Variants in DOCK5 observed in about 807,000 individuals in gnomAD.
DOCK5 encodes the protein dedicator of cytokinesis protein 5.
In DOCK5, 142 loss-of-function variants were observed where a neutral mutation model predicts 251.8. The observed-to-expected ratio is 0.56, with a 90% CI of 0.49 to 0.65. DOCK5 has a LOEUF of 0.65. Among genes scored for constraint, DOCK5 ranks in the 30% least tolerant of loss-of-function variants. DOCK5 has a pLI of 0.00. For missense variants in DOCK5, 2,111 were observed against 2,312.3 expected (o/e 0.91, Z 1.79); for synonymous variants, 842 against 835.5 (o/e 1.01, Z -0.13).
chr8:25,306,215 A>G (rs980647749), intron 11 of DOCK5, among the ~76,000 whole-genome samples: 10 of 152,192 alleles, frequency 6.6e-5, no homozygotes, highest in African/African-American at 2.4e-4. Context: ...CTTACCTTGT[A>G]TGCTACCACC....
chr8:25,198,313 G>C (rs1424431433), intron 1 of DOCK5, among the ~76,000 whole-genome samples: 1 of 152,168 alleles, frequency 6.6e-6, no homozygotes, highest in Non-Finnish European at 1.5e-5. Flanking sequence ...TCTCATACCT[G>C]TGATCCCAGC....
chr8:25,367,307 G>T (rs574407060), intron 31 of DOCK5, among the ~76,000 whole-genome samples: 1 of 152,224 alleles, frequency 6.6e-6, no homozygotes, highest in East Asian at 1.9e-4. Flanking sequence ...CATTCATAGC[G>T]CTTCACAAAG....
chr8:25,281,392 T>A (rs1301756161), intron 5 of DOCK5, among the ~76,000 whole-genome samples: 1 of 146,904 alleles, frequency 6.8e-6, no homozygotes, highest in Non-Finnish European at 1.5e-5. Flanking sequence ...TGAGCCAAGA[T>A]CACACTGTTG....
chr8:25,410,391 G>A (rs1340890444), intron 51 of DOCK5, among the ~76,000 whole-genome samples, 189 bp downstream of exon 51: 1 of 151,874 alleles, frequency 6.6e-6, no homozygotes, highest in Non-Finnish European at 1.5e-5. Context: ...GCAAGCAGAT[G>A]ATGAAGGTAG....
chr8:25,254,722 C>T (rs1367133864), intron 2 of DOCK5, among the ~76,000 whole-genome samples: 2 of 130,290 alleles, frequency 1.5e-5, no homozygotes, highest in African/African-American at 5.8e-5. Flanking sequence ...TTGCAGTGAG[C>T]CGAGATTGTG....
Position 25,348,614 on chromosome 8 carries a change from T to C in DOCK5, c.2754+3003T>C, listed in dbSNP as rs189572866. On this transcript the variant is annotated intron_variant, in intron 26 of 51. Coordinates refer to ENST00000276440, the MANE Select transcript of DOCK5 (RefSeq NM_024940.8). ...CAGCACTTTGGGAGGCTGAGACAGGTAGATCACGAGATCAGGAGTTCGAGA... is the reference window on the plus strand; with the variant it reads ...CAGCACTTTGGGAGGCTGAGACAGGCAGATCACGAGATCAGGAGTTCGAGA... Among the ~76,000 whole-genome samples the C allele has an allele frequency of 5.9e-5, 9 of 152,130 alleles. No homozygotes were observed. In the East Asian group the frequency reaches 1.7e-3, roughly 29 times the overall value.
chr8:25,395,746 G>C (rs1801334973), intron 45 of DOCK5, 27 bp downstream of exon 45: 2 of 1,603,592 alleles, frequency 1.2e-6, no homozygotes, highest in Middle Eastern at 1.7e-4. Flanking sequence ...AATCCCCTAG[G>C]GATTCACAGA....
chr8:25,313,413 A>G (rs917025683), intron 13 of DOCK5, among the ~76,000 whole-genome samples: 3 of 151,968 alleles, frequency 2.0e-5, no homozygotes, highest in Non-Finnish European at 4.4e-5. Flanking sequence ...ACATTGTTGA[A>G]ATATTTCCTT....
chr8:25,318,418 CTTTCT>C (rs759734262), intron 14 of DOCK5, among the ~76,000 whole-genome samples: 20 of 151,940 alleles, frequency 1.3e-4, no homozygotes, highest in Admixed American at 2.0e-4. Context: ...TTACTTTCTT[CTTTCT>C]TTTCTTTTCT....
chr8:25,348,876 C>T (rs1205670369), intron 26 of DOCK5, among the ~76,000 whole-genome samples: 2 of 151,930 alleles, frequency 1.3e-5, no homozygotes, highest in African/African-American at 4.8e-5. Context: ...CTCACCCGCA[C>T]CCCCACAATA....
At chr8:25,410,314 A>G (rs1044516820) in intron 51 of DOCK5, 112 bp downstream of exon 51, 1 of 849,616 alleles carries the variant, frequency 1.2e-6, no homozygotes, top group Middle Eastern at 2.3e-4. Context: ...CTGTCACTGC[A>G]GTCGATTCTT....
chr8:25,382,971 CTT>C (rs139252537), intron 40 of DOCK5, among the ~76,000 whole-genome samples, 193 bp downstream of exon 40: 17,061 of 151,948 alleles, frequency 0.11, 1,047 homozygotes, highest in South Asian at 0.16. Flanking sequence ...TTCTGCAGGT[CTT>C]TTGTGAAATG....
At chr8:25,338,869 C>G (rs1805878632) in intron 22 of DOCK5, among the ~76,000 whole-genome samples, 1 of 152,132 alleles carries the variant, frequency 6.6e-6, no homozygotes, top group South Asian at 2.1e-4. Flanking sequence ...AGTTCATTTC[C>G]TCTTCATTTG....
intron 27 of DOCK5, among the ~76,000 whole-genome samples, chr8:25,357,202 G>A (rs1479274881): frequency 6.6e-6 from 1 of 151,504 alleles, no homozygotes; most frequent in African/African-American, 2.4e-5. Context: ...TTAAACCTCA[G>A]TGTTAAATTC....
chr8:25,227,345 T>C (rs986166833), intron 1 of DOCK5, among the ~76,000 whole-genome samples: 1 of 152,130 alleles, frequency 6.6e-6, no homozygotes, highest in African/African-American at 2.4e-5. Flanking sequence ...TTTTTGGATG[T>C]GATAAAAGAT....
chr8:25,275,924 C>T (rs932605416), intron 4 of DOCK5, among the ~76,000 whole-genome samples: 1 of 152,238 alleles, frequency 6.6e-6, no homozygotes, highest in African/African-American at 2.4e-5. Context: ...TTCACTCATA[C>T]AATTCCTTCC....
chr8:25,239,544 G>A (rs1802889902), intron 1 of DOCK5, among the ~76,000 whole-genome samples: 1 of 152,020 alleles, frequency 6.6e-6, no homozygotes, highest in Admixed American at 6.6e-5. Flanking sequence ...TTTGAGAAGG[G>A]GGCCAATGGA....
intron 11 of DOCK5, chr8:25,305,411 A>G (rs1204397929): frequency 6.6e-6 from 1 of 152,228 alleles, no homozygotes; most frequent in African/African-American, 2.4e-5. Flanking sequence ...TACAACTGTA[A>G]GAGCTAGAAT....
At chr8:25,270,416 T>C (rs1487837860) in intron 3 of DOCK5, among the ~76,000 whole-genome samples, 1 of 152,192 alleles carries the variant, frequency 6.6e-6, no homozygotes, top group African/African-American at 2.4e-5. Context: ...CTATTGGTGT[T>C]AATTTTACTC....
Sources: gnomAD v4.1 joint callset for allele counts (sites outside exome capture counted in the v4.1 genomes callset) on GRCh38, gnomAD v4.1.1 for gene constraint, MANE v1.5 for transcripts, NCBI Gene and HGNC (gene_info 2026-07-23, HGNC 2026-07-21) for gene names.